Variants in PCSK5 observed in about 807,000 individuals in gnomAD.
PCSK5 encodes prohormone convertase 5.
PCSK5 carries 129 observed loss-of-function variants against 233.2 expected under a neutral mutation model. The observed-to-expected ratio is 0.55, with a 90% confidence interval of 0.48 to 0.64. PCSK5 has a LOEUF of 0.64. PCSK5 is among the 30% of genes least tolerant of loss of function. PCSK5 has a pLI of 0.00. For missense variants in PCSK5, 2,076 were observed against 2,430.1 expected (o/e 0.85, Z 3.06); for synonymous variants, 825 against 879.2 (o/e 0.94, Z 1.09).
intron 2 of PCSK5, among the ~76,000 whole-genome samples, chr9:75,980,628 G>A (rs987964829): frequency 6.6e-6 from 1 of 152,042 alleles, no homozygotes; most frequent in African/African-American, 2.4e-5. Flanking sequence ...TCTTTAAAAA[G>A]GTGACAAAAT....
chr9:76,001,649 T>C (rs988297281), intron 3 of PCSK5, among the ~76,000 whole-genome samples: 5 of 152,146 alleles, frequency 3.3e-5, no homozygotes, highest in Non-Finnish European at 7.4e-5. Context: ...TATTCTATCT[T>C]GAAGGGATGA....
At chr9:76,218,811 G>A (rs763495005) in intron 20 of PCSK5, among the ~76,000 whole-genome samples, 1 of 150,722 alleles carries the variant, frequency 6.6e-6, no homozygotes, top group Non-Finnish European at 1.5e-5. Flanking sequence ...CTTACCCAAT[G>A]TAGTGCTTCT....
At chr9:76,187,931 G>A (rs964892663) in intron 17 of PCSK5, among the ~76,000 whole-genome samples, 4 of 152,244 alleles carry the variant, frequency 2.6e-5, no homozygotes, top group Non-Finnish European at 5.9e-5. Context: ...TAGCAGTACA[G>A]TTAGTTTTGA....
chr9:76,021,887 T>C (rs1283382826), intron 3 of PCSK5, among the ~76,000 whole-genome samples: 9 of 152,220 alleles, frequency 5.9e-5, no homozygotes, highest in African/African-American at 2.4e-5. Flanking sequence ...TTCTGCCTTC[T>C]GTGCCATTCT....
rs1332369615 is a variant in PCSK5, at chr9:76,023,808, C to T, written c.482C>T (p.Thr161Met). 3 of 1,613,060 alleles carry T rather than the reference C, an allele frequency of 1.9e-6. No homozygotes were observed. The highest frequency in any genetic ancestry group is 1.3e-5 in the African/African-American group (1 of 74,880). Residue 161 changes from threonine (T) to methionine (M), a missense_variant, in exon 4 of 38, where the codon ACG (threonine) becomes ATG (methionine). Coordinates refer to ENST00000674117, the MANE Select transcript of PCSK5 (RefSeq NM_001372043.1). ...NIEGAWKRGY[T>M]GKNIVVTILD... is the part of the protein sequence containing the mutation. Reference sequence around the variant, plus strand: ...GAAGGAGCCTGGAAGAGAGGCTACACGGGAAAGAACATTGTGGTCACTATC... The same window carrying T: ...GAAGGAGCCTGGAAGAGAGGCTACATGGGAAAGAACATTGTGGTCACTATC...
rs1290620754 is a variant in PCSK5 at position 76,122,066 on chromosome 9, G to A, written c.1209-12043G>A. On this transcript the variant is annotated intron_variant, in intron 9 of 37. Coordinates refer to ENST00000674117, the MANE Select transcript of PCSK5 (RefSeq NM_001372043.1). ...TCTCGATCTCCTGACCTCGTGATCC[G>A]CCCGCCTCGGCCTCCCAAAGTGCTG... 7.3e-4 allele frequency among the ~76,000 whole-genome samples: 32 copies of A among 43,922 alleles called. 10 individuals carry two copies. The highest frequency in any genetic ancestry group is 1.9e-3 in the Admixed American group (7 of 3,608). 28.8% of individuals were successfully genotyped at this position (43,922 alleles called of 152,430 possible). A position where few individuals can be genotyped will look rare whatever the true frequency, so the allele number is the denominator to read the frequency against.
At position 76,233,544 on chromosome 9, in the gene PCSK5, C is replaced by G; in HGVS notation, c.2814C>G (p.Thr938=). ...ACCAATGCCATCCATGCCACCACAC[C>G]TGCCAGAGATGCCAAGGAAGTGGCC... ...FENQCHPCHH[T]CQRCQGSGPT... The change falls in exon 22 of 38, where the codon ACC becomes ACG. Residue 938 remains threonine, a synonymous_variant. Coordinates refer to ENST00000674117, the MANE Select transcript of PCSK5 (RefSeq NM_001372043.1). 1 of 1,612,384 alleles carries G rather than the reference C, an allele frequency of 6.2e-7. No homozygotes were observed. The highest frequency in any genetic ancestry group is 8.5e-7 in the Non-Finnish European group (1 of 1,179,786).
intron 12 of PCSK5, among the ~76,000 whole-genome samples, chr9:76,169,176 C>T (rs988194199): frequency 1.3e-5 from 2 of 152,120 alleles, no homozygotes; most frequent in African/African-American, 4.8e-5. Flanking sequence ...TTGATGGACA[C>T]TTGAGTTGTT....
chr9:76,247,322 G>C (rs1471481795), intron 24 of PCSK5, among the ~76,000 whole-genome samples: 1 of 152,196 alleles, frequency 6.6e-6, no homozygotes, highest in African/African-American at 2.4e-5. Flanking sequence ...GAGTGAAATA[G>C]AGTGGAAACA....
At chr9:75,903,588 AAAATATATATTATATATATATAT>A in intron 1 of PCSK5, among the ~76,000 whole-genome samples, 1 of 114,760 alleles carries the variant, frequency 8.7e-6, no homozygotes, top group African/African-American at 4.9e-5. Flanking sequence ...ATATATATAT[AAAATATATATTATATATATATAT>A]TATATATATA....
chr9:76,293,983 G>A (rs1828357372), intron 25 of PCSK5, among the ~76,000 whole-genome samples: 1 of 152,182 alleles, frequency 6.6e-6, no homozygotes, highest in African/African-American at 2.4e-5. Flanking sequence ...GATCACCTGA[G>A]GTCAGGAGTT....
At position 75,891,139 on chromosome 9, in the gene PCSK5, C is replaced by T. The variant is rs375332284; in HGVS notation, c.-43C>T. 2.0e-5 allele frequency: 29 copies of T among 1,427,140 alleles called. No homozygotes were observed. The highest frequency in any genetic ancestry group is 3.0e-5 in the African/African-American group (2 of 66,760). 88.4% of individuals were successfully genotyped at this position (1,427,140 alleles called of 1,614,324 possible). ...GTTAGTTGTGCGCGCCCTTAGTGCGCGGAACCAGCCAGCGAGCGAGGGAGC... is the reference window on the plus strand; with the variant it reads ...GTTAGTTGTGCGCGCCCTTAGTGCGTGGAACCAGCCAGCGAGCGAGGGAGC... On this transcript the variant is annotated 5_prime_UTR_variant, in exon 1 of 38. Coordinates refer to ENST00000674117, the MANE Select transcript of PCSK5 (RefSeq NM_001372043.1).
At chr9:76,161,481 T>C (rs2131823895) in intron 12 of PCSK5, among the ~76,000 whole-genome samples, 1 of 152,206 alleles carries the variant, frequency 6.6e-6, no homozygotes, top group South Asian at 2.1e-4. Context: ...CATCTGGGTT[T>C]AACTTGAAAA....
At chr9:76,113,579 C>T (rs1185920312) in intron 9 of PCSK5, among the ~76,000 whole-genome samples, 4 of 152,052 alleles carry the variant, frequency 2.6e-5, no homozygotes, top group South Asian at 2.1e-4. Context: ...GTGGGACAGT[C>T]GAGAAGGGTT....
intron 5 of PCSK5, among the ~76,000 whole-genome samples, chr9:76,036,915 TGTTC>T (rs1828882476): frequency 1.3e-5 from 2 of 152,230 alleles, no homozygotes; most frequent in Admixed American, 1.3e-4. Context: ...TACAGCATTG[TGTTC>T]AGTAAACACT....
intron 5 of PCSK5, among the ~76,000 whole-genome samples, chr9:76,034,655 G>C (rs926815459): frequency 3.9e-5 from 6 of 152,012 alleles, no homozygotes; most frequent in Non-Finnish European, 7.4e-5. Flanking sequence ...CATCCCGCAT[G>C]GTATGAGCTG....
chr9:76,097,520 C>G (rs547262544), intron 8 of PCSK5, among the ~76,000 whole-genome samples: 1 of 152,306 alleles, frequency 6.6e-6, no homozygotes, highest in African/African-American at 2.4e-5. Flanking sequence ...TATGGGATCT[C>G]CCGTTTAGCA....
At chr9:76,267,008 A>G (rs1250655690) in intron 24 of PCSK5, among the ~76,000 whole-genome samples, 1 of 152,208 alleles carries the variant, frequency 6.6e-6, no homozygotes, top group East Asian at 1.9e-4. Context: ...ATGCTGAATT[A>G]CTATGATTAC....
intron 17 of PCSK5, 97 bp from the exon 18 acceptor site, chr9:76,188,481 A>T: frequency 1.3e-6 from 1 of 757,268 alleles, no homozygotes; most frequent in Non-Finnish European, 2.3e-6. Flanking sequence ...CTGGCCTCTG[A>T]GGGAAACTGT....
Sources: allele counts gnomAD v4.1 joint callset (sites outside exome capture counted in the v4.1 genomes callset), GRCh38; gene constraint gnomAD v4.1.1; transcripts MANE v1.5; gene names NCBI Gene and HGNC (gene_info 2026-07-23, HGNC 2026-07-21).